CCDC7: variants seen among roughly 807,000 people sequenced by gnomAD.
CCDC7 encodes the protein coiled-coil domain containing 7.
A neutral mutation model predicts 196.9 loss-of-function variants in CCDC7; 183 were observed. The ratio of observed to expected loss-of-function variants is 0.93; its 90% CI spans 0.82 to 1.05. The LOEUF (loss-of-function observed/expected upper bound fraction) is 1.05, where lower values mean the gene tolerates loss of function less well. Ranked by LOEUF, CCDC7 falls within the 50% of genes least tolerant of loss-of-function variation. The pLI is 0.00. For synonymous variants in CCDC7, 525 were observed against 484.6 expected, an observed-to-expected ratio of 1.08 and a Z score of -1.10; for missense variants, 1,540 against 1,482.2, an observed-to-expected ratio of 1.04 and a Z score of -0.64.
At chr10:32,801,932 G>A (rs1421781675) in intron 29 of CCDC7, among the ~76,000 whole-genome samples, 2 of 152,102 alleles carry the variant, frequency 1.3e-5, no homozygotes, top group African/African-American at 4.8e-5. Flanking sequence ...CCTCATCAGG[G>A]TCCTCCCACA....
intron 18 of CCDC7, among the ~76,000 whole-genome samples, chr10:32,598,122 G>A (rs188099654): frequency 9.2e-4 from 140 of 152,270 alleles, no homozygotes; most frequent in African/African-American, 3.1e-3. Context: ...ACAGAGGCAG[G>A]CAGACCTCCT....
At chr10:32,689,260 A>G (rs866161379) in intron 23 of CCDC7, 97 bp downstream of exon 24, 244 of 731,582 alleles carry the variant, frequency 3.3e-4, no homozygotes, top group East Asian at 2.6e-4. Context: ...CACTTTGACT[A>G]AAATGTGAAT....
intron 9 of CCDC7, among the ~76,000 whole-genome samples, chr10:32,498,288 C>T (rs971440698): frequency 6.6e-6 from 1 of 152,050 alleles, no homozygotes; most frequent in Non-Finnish European, 1.5e-5. Context: ...TGTGTCTTTG[C>T]ATGTGAGATG....
At chr10:32,692,674 G>C (rs1048482426) in intron 23 of CCDC7, among the ~76,000 whole-genome samples, 3 of 152,058 alleles carry the variant, frequency 2.0e-5, no homozygotes, top group Admixed American at 6.5e-5. Flanking sequence ...TTTTTGAGTT[G>C]GTCTATTAAG....
intron 21 of CCDC7, among the ~76,000 whole-genome samples, chr10:32,679,118 A>G (rs915875773): frequency 2.6e-5 from 4 of 152,214 alleles, no homozygotes; most frequent in Non-Finnish European, 4.4e-5. Flanking sequence ...TTAGAAAATA[A>G]AAGTATTGAT....
chr10:32,872,386 G>C (rs1399099377), intron 41 of CCDC7, among the ~76,000 whole-genome samples: 2 of 151,468 alleles, frequency 1.3e-5, no homozygotes, highest in Non-Finnish European at 2.9e-5. Flanking sequence ...TTTTCCATTT[G>C]CTTCGTAGAT....
In CCDC7 at chr10:32,741,676, A is replaced by T. The variant is rs975623584; in HGVS notation, c.2905+12219A>T. Among the ~76,000 whole-genome samples the T allele has an allele frequency of 4.6e-5, 7 of 152,142 alleles. 1 individual carries two copies. The highest frequency in any genetic ancestry group is 1.0e-4 in the Non-Finnish European group (7 of 67,930). On this transcript the variant is annotated intron_variant, in intron 28 of 41. Coordinates refer to ENST00000639629, the Ensembl canonical transcript of CCDC7. The stretch of plus-strand genomic sequence containing the variant: ...TGTATTTCCTCCCAAACATGAAAAA[A>T]ATGTGTTAGTGAGATTCGTTAATTG...
At chr10:32,871,214 T>C (rs2136807893) in intron 41 of CCDC7, among the ~76,000 whole-genome samples, 1 of 152,324 alleles carries the variant, frequency 6.6e-6, no homozygotes, top group Middle Eastern at 3.4e-3. Flanking sequence ...AATTCGGCTG[T>C]GAATCCATCG....
intron 28 of CCDC7, among the ~76,000 whole-genome samples, chr10:32,732,804 T>G (rs1475534090): frequency 2.0e-5 from 3 of 152,174 alleles, no homozygotes; most frequent in African/African-American, 7.2e-5. Context: ...CAACTCTCTT[T>G]GCCATTAATC....
At chr10:32,818,153 C>A (rs553923224) in intron 31 of CCDC7, among the ~76,000 whole-genome samples, 3 of 151,874 alleles carry the variant, frequency 2.0e-5, no homozygotes, top group East Asian at 1.9e-4. Flanking sequence ...ATCTACCAAG[C>A]AAATGGAAAA....
intron 5 of CCDC7, among the ~76,000 whole-genome samples, chr10:32,463,870 A>G (rs1433554992): frequency 2.6e-5 from 4 of 152,194 alleles, no homozygotes; most frequent in Non-Finnish European, 4.4e-5. Context: ...TTTGACTGAC[A>G]TTGGAAAAGT....
chr10:32,855,733 G>C (rs2136347882), intron 41 of CCDC7, among the ~76,000 whole-genome samples: 1 of 152,292 alleles, frequency 6.6e-6, no homozygotes, highest in East Asian at 1.9e-4. Flanking sequence ...CCACAGACCA[G>C]GAGTTGGAGA....
chr10:32,741,350 G>C (rs895685859), intron 28 of CCDC7, among the ~76,000 whole-genome samples: 1 of 152,130 alleles, frequency 6.6e-6, no homozygotes, highest in Admixed American at 6.6e-5. Context: ...CACATTGCTG[G>C]AATCTTTTCA....
At chr10:32,796,464 T>A (rs1259083377) in intron 29 of CCDC7, among the ~76,000 whole-genome samples, 1 of 152,236 alleles carries the variant, frequency 6.6e-6, no homozygotes, top group African/African-American at 2.4e-5. Context: ...CAAAGGATAA[T>A]GGCATATCTT....
At chr10:32,874,661 A>G (rs1226869939) in intron 41 of CCDC7, among the ~76,000 whole-genome samples, 1 of 150,668 alleles carries the variant, frequency 6.6e-6, no homozygotes, top group Admixed American at 6.6e-5. Context: ...GTGTATGTAT[A>G]TATATATATA....
intron 11 of CCDC7, among the ~76,000 whole-genome samples, chr10:32,520,726 T>C (rs1247542585): frequency 2.0e-5 from 3 of 152,126 alleles, no homozygotes; most frequent in Non-Finnish European, 4.4e-5. Context: ...TTTAACTTGG[T>C]GTTATCCCAT....
At chr10:32,655,475 T>A (rs1174365340) in intron 20 of CCDC7, among the ~76,000 whole-genome samples, 7 of 152,192 alleles carry the variant, frequency 4.6e-5, no homozygotes, top group Admixed American at 2.6e-4. Context: ...CCCTGATGAT[T>A]AAAAATGTTG....
chr10:32,559,656 C>A (rs1333521342), intron 13 of CCDC7, among the ~76,000 whole-genome samples: 1 of 152,096 alleles, frequency 6.6e-6, no homozygotes, highest in Non-Finnish European at 1.5e-5. Context: ...GACATCCACA[C>A]CAAAAACCCA....
intron 21 of CCDC7, among the ~76,000 whole-genome samples, chr10:32,685,624 T>C (rs1433792963): frequency 6.6e-6 from 1 of 152,240 alleles, no homozygotes; most frequent in Non-Finnish European, 1.5e-5. Flanking sequence ...GTTTTGAGTA[T>C]TTTGTAATTA....
Sources: allele counts gnomAD v4.1 joint callset (sites outside exome capture counted in the v4.1 genomes callset), GRCh38; gene constraint gnomAD v4.1.1; transcripts MANE v1.5; gene names NCBI Gene and HGNC (gene_info 2026-07-23, HGNC 2026-07-21).